The following CLVS1 variants were observed in gnomAD, a reference collection of about 807,000 sequenced individuals.
CLVS1 encodes clavesin-1.
In CLVS1, 10 loss-of-function variants were observed where a neutral mutation model predicts 33.1. The ratio of observed to expected loss-of-function variants is 0.30; its 90% CI spans 0.19 to 0.51. The LOEUF is 0.51. Among genes scored for constraint, CLVS1 ranks in the 20% least tolerant of loss-of-function variants. The pLI, the probability that CLVS1 is intolerant of heterozygous loss-of-function variation, is 0.97. For missense variants in CLVS1, 343 were observed against 433.4 expected (o/e 0.79, Z 1.85); for synonymous variants, 163 against 166.1 (o/e 0.98, Z 0.14).
At chr8:61,315,716 C>T (rs1269472370) in intron 2 of CLVS1, among the ~76,000 whole-genome samples, 1 of 152,166 alleles carries the variant, frequency 6.6e-6, no homozygotes, top group Admixed American at 6.5e-5. Flanking sequence ...AGTGGCACCC[C>T]TTAACCTGGT....
intron 2 of CLVS1, among the ~76,000 whole-genome samples, chr8:61,311,771 G>A (rs1810840702): frequency 6.6e-6 from 1 of 152,156 alleles, no homozygotes; most frequent in Admixed American, 6.5e-5. Flanking sequence ...TCCTCTGATG[G>A]CTAGAAGTCC....
intron 3 of CLVS1, among the ~76,000 whole-genome samples, chr8:61,400,885 C>T (rs771464668): frequency 6.6e-6 from 1 of 152,104 alleles, no homozygotes; most frequent in Non-Finnish European, 1.5e-5. Context: ...ATGAAGCCTA[C>T]TTGATTGTGG....
intron 1 of CLVS1, among the ~76,000 whole-genome samples, chr8:61,294,298 A>T (rs988214792): frequency 6.6e-6 from 1 of 152,166 alleles, no homozygotes; most frequent in Non-Finnish European, 1.5e-5. Context: ...TCTCAGATTC[A>T]TCTTTTCATC....
chr8:61,424,245 G>T (rs1004580564), intron 3 of CLVS1, among the ~76,000 whole-genome samples: 11 of 152,214 alleles, frequency 7.2e-5, no homozygotes, highest in Non-Finnish European at 7.3e-5. Flanking sequence ...TTTCACAAAG[G>T]TCTTACACTT....
At chr8:61,251,016 G>C in intron 2 of CLVS1, among the ~76,000 whole-genome samples, 1 of 152,114 alleles carries the variant, frequency 6.6e-6, no homozygotes, top group South Asian at 2.1e-4. Context: ...AATGCTTCCA[G>C]TTTTTGCCCA....
At chr8:61,382,318 C>T (rs1025162002) in intron 3 of CLVS1, among the ~76,000 whole-genome samples, 1 of 152,170 alleles carries the variant, frequency 6.6e-6, no homozygotes, top group Non-Finnish European at 1.5e-5. Context: ...CATCCTGACT[C>T]GTGGTGTATT....
At chr8:61,315,554 C>T (rs1272664610) in intron 2 of CLVS1, among the ~76,000 whole-genome samples, 1 of 152,028 alleles carries the variant, frequency 6.6e-6, no homozygotes, top group African/African-American at 2.4e-5. Flanking sequence ...TGCTTTGGTC[C>T]CTCCAGTACC....
At chr8:61,477,147 A>C (rs969734499) in intron 5 of CLVS1, among the ~76,000 whole-genome samples, 5 of 152,186 alleles carry the variant, frequency 3.3e-5, no homozygotes, top group Non-Finnish European at 4.4e-5. Context: ...CGGATGAAGC[A>C]CACTTGATCA....
At chr8:60,999,359 G>A in the CLVS1 span, among the ~76,000 whole-genome samples, 1 of 152,194 alleles carries the variant, frequency 6.6e-6, no homozygotes, top group Non-Finnish European at 1.5e-5. Flanking sequence ...TGAGAACATG[G>A]AATAGTATTT....
Position 61,387,637 on chromosome 8 carries a change from A to G in CLVS1, c.630+10858A>G, listed in dbSNP as rs968232946. Among the ~76,000 whole-genome samples, 7 of 151,898 alleles carry G rather than the reference A, an allele frequency of 4.6e-5. No homozygotes were observed. The South Asian group carries it at 1.5e-3, about 32-fold the overall frequency. On this transcript the variant is annotated intron_variant, in intron 3 of 5. Transcript: ENST00000325897. ...CTTTTATCACACAACCCCCTCCTAAACTTCCCTCTGAGTCCCCAAAGTTCA... is the reference window on the plus strand; with the variant it reads ...CTTTTATCACACAACCCCCTCCTAAGCTTCCCTCTGAGTCCCCAAAGTTCA...
At chr8:61,192,535 A>T (rs1025339584) in intron 2 of CLVS1, among the ~76,000 whole-genome samples, 5 of 152,198 alleles carry the variant, frequency 3.3e-5, no homozygotes, top group African/African-American at 1.2e-4. Context: ...CGATCTAATT[A>T]AAGAGCTTCT....
intron 3 of CLVS1, among the ~76,000 whole-genome samples, chr8:61,427,880 T>C (rs1459619492): frequency 6.6e-6 from 1 of 152,252 alleles, no homozygotes; most frequent in African/African-American, 2.4e-5. Context: ...TGCCTTCCAT[T>C]GCAGGCCTCC....
chr8:61,344,359 A>G (rs1273112009), intron 2 of CLVS1, among the ~76,000 whole-genome samples: 1 of 152,176 alleles, frequency 6.6e-6, no homozygotes, highest in Admixed American at 6.5e-5. Context: ...GAGCTGATAA[A>G]TTCAGATCCA....
intron 2 of CLVS1, among the ~76,000 whole-genome samples, chr8:61,269,151 G>T (rs1280635739): frequency 6.7e-6 from 1 of 148,816 alleles, no homozygotes; most frequent in Non-Finnish European, 1.5e-5. Flanking sequence ...ATGGTTTTAG[G>T]TCTAACGTTT....
chr8:60,983,559 T>C, the CLVS1 span, among the ~76,000 whole-genome samples: 1 of 152,164 alleles, frequency 6.6e-6, no homozygotes, highest in Non-Finnish European at 1.5e-5. Context: ...GAATTATTTC[T>C]CCATCCAAAG....
intron 2 of CLVS1, among the ~76,000 whole-genome samples, chr8:61,355,973 C>T (rs1204521495): frequency 1.3e-5 from 2 of 152,148 alleles, no homozygotes; most frequent in African/African-American, 4.8e-5. Flanking sequence ...CTTCTAGATC[C>T]CTGAGGAATC....
At position 61,271,648 on chromosome 8, in the gene CLVS1, C is replaced by T. The variant is rs1809440250; in HGVS notation, c.-151-28029C>T. 2.6e-5 allele frequency among the ~76,000 whole-genome samples: 2 copies of T among 76,080 alleles called. 1 individual carries two copies. The highest frequency in any genetic ancestry group is 4.1e-5 in the Non-Finnish European group (2 of 48,702). The allele number at this position is 76,080 out of a possible 152,430, so 49.9% of individuals were successfully genotyped here. A position where few individuals can be genotyped will look rare whatever the true frequency, so the allele number is the denominator to read the frequency against. On this transcript the variant is annotated intron_variant, in intron 2 of 2. Transcript: ENST00000522621. The stretch of plus-strand genomic sequence containing the variant: ...TCTCCCATTATTATTGTGTGGGAGT[C>T]TAAGTCTCTTTGTAGGTCTCTAAGG...
At chr8:61,334,832 C>T (rs759890234) in intron 2 of CLVS1, among the ~76,000 whole-genome samples, 3 of 152,012 alleles carry the variant, frequency 2.0e-5, no homozygotes, top group Non-Finnish European at 2.9e-5. Context: ...TAGACAGAGC[C>T]GATTCATCAA....
chr8:61,372,516 T>C (rs1813480921), intron 2 of CLVS1, among the ~76,000 whole-genome samples: 1 of 152,218 alleles, frequency 6.6e-6, no homozygotes, highest in Non-Finnish European at 1.5e-5. Flanking sequence ...TTTCAGCTTA[T>C]AGTAGTACAG....
Sources: gnomAD v4.1 joint callset for allele counts (sites outside exome capture counted in the v4.1 genomes callset) on GRCh38, gnomAD v4.1.1 for gene constraint, MANE v1.5 for transcripts, NCBI Gene and HGNC (gene_info 2026-07-23, HGNC 2026-07-21) for gene names.